The following SMCHD1 variants were observed in gnomAD, a reference collection of about 807,000 sequenced individuals.
SMCHD1 encodes structural maintenance of chromosomes flexible hinge domain containing 1.
Under a neutral mutation model 254.7 loss-of-function variants are expected in SMCHD1, and 78 were observed. That is an observed-to-expected ratio of 0.31 (90% confidence interval 0.26 to 0.37). The LOEUF is 0.37. Among genes scored for constraint, SMCHD1 ranks in the 10% least tolerant of loss-of-function variants. The probability of loss-of-function intolerance (pLI) is 1.00; values close to 1 mark genes in which losing one functional copy is unlikely to be tolerated. For synonymous variants in SMCHD1, 766 were observed against 794.9 expected (o/e 0.96, Z 0.61); for missense variants, 1,840 against 2,408.1 (o/e 0.76, Z 4.94).
At chr18:2,750,623 C>G (rs1317976658) in intron 32 of SMCHD1, 116 bp downstream of exon 32, 8 of 736,700 alleles carry the variant, frequency 1.1e-5, no homozygotes, top group Non-Finnish European at 1.6e-5. Context: ...GACAGGGAAG[C>G]AAATGATTTC....
chr18:2,669,497 C>G (rs2439768), intron 3 of SMCHD1, among the ~76,000 whole-genome samples: 22,991 of 152,174 alleles, frequency 0.15, 5,081 homozygotes, highest in African/African-American at 0.48. Flanking sequence ...TTTCTTCTTA[C>G]CTCACTGCCT....
intron 45 of SMCHD1, among the ~76,000 whole-genome samples, chr18:2,793,446 G>A (rs961861676): frequency 4.6e-5 from 7 of 151,882 alleles, no homozygotes; most frequent in African/African-American, 1.2e-4. Flanking sequence ...GGTGGATCAC[G>A]AGGTCAGGAG....
At chr18:2,795,841 C>T in intron 45 of SMCHD1, 108 bp from the exon 46 acceptor site, 3 of 794,372 alleles carry the variant, frequency 3.8e-6, no homozygotes, top group Admixed American at 3.3e-5. Flanking sequence ...AAAAGTAGAT[C>T]CCCTATGTTA....
intron 34 of SMCHD1, among the ~76,000 whole-genome samples, chr18:2,758,612 T>G (rs2075725915): frequency 6.6e-6 from 1 of 152,232 alleles, no homozygotes; most frequent in Non-Finnish European, 1.5e-5. Context: ...ATGAATTATC[T>G]TATTTTTACC....
chr18:2,769,653 T>C, intron 37 of SMCHD1, 41 bp from the exon 38 acceptor site: 1 of 1,552,702 alleles, frequency 6.4e-7, no homozygotes, highest in Non-Finnish European at 8.7e-7. Flanking sequence ...AAATTTTCTT[T>C]TTAAATCTTG....
At chr18:2,671,928 C>A (rs2073619019) in intron 3 of SMCHD1, among the ~76,000 whole-genome samples, 1 of 152,056 alleles carries the variant, frequency 6.6e-6, no homozygotes, top group Non-Finnish European at 1.5e-5. Flanking sequence ...TTTCAGTAAA[C>A]TGATCCAAGC....
intron 39 of SMCHD1, among the ~76,000 whole-genome samples, 169 bp from the exon 40 acceptor site, chr18:2,771,364 C>T (rs2075981061): frequency 6.6e-6 from 1 of 152,016 alleles, no homozygotes; most frequent in African/African-American, 2.4e-5. Context: ...CAGAATTGAG[C>T]CTTAAGATGT....
chr18:2,763,804 T>A lies in SMCHD1; in HGVS notation c.4719+15T>A. On this transcript the variant is annotated intron_variant, in intron 37 of 47. Coordinates refer to ENST00000320876, the MANE Select transcript of SMCHD1 (RefSeq NM_015295.3). ...CTGAAATCATGGTAAATTTTTTATATCTTTTGGTAGATAGAATTTCTGTAT... is the reference window on the plus strand; with the variant it reads ...CTGAAATCATGGTAAATTTTTTATAACTTTTGGTAGATAGAATTTCTGTAT... 6.2e-7 allele frequency: 1 copy of A among 1,602,066 alleles called. No homozygotes were observed. The highest frequency in any genetic ancestry group is 1.1e-5 in the South Asian group (1 of 88,838).
At chr18:2,759,625 A>G (rs1456258914) in intron 34 of SMCHD1, among the ~76,000 whole-genome samples, 3 of 123,398 alleles carry the variant, frequency 2.4e-5, no homozygotes, top group Non-Finnish European at 3.2e-5. Flanking sequence ...GCTGGAGTGC[A>G]GTGGAGTGAT....
rs1237982052 is a variant in SMCHD1, at chr18:2,760,732, G to C, written c.4427G>C (p.Ser1476Thr). The change falls in exon 35 of 48, where the codon AGT becomes ACT. Residue 1476 changes from serine (S) to threonine (T), a missense_variant. Physicochemically the swap from Ser to Thr is moderately conservative, Grantham distance 58 (BLOSUM62 1). Transcript: ENST00000320876. ...FMMDKTNILNSEQVIVEVLPN... is the reference protein window; with the variant it reads ...FMMDKTNILNTEQVIVEVLPN... ...ATGGATAAAACAAATATTCTCAACA[G>C]TGAACAGGTTTGCTTACTTTTTTTA... The C allele has an allele frequency of 3.1e-6, 5 of 1,597,052 alleles. No individual in the cohort carries two copies. The highest frequency in any genetic ancestry group is 1.7e-4 in the Middle Eastern group (1 of 6,022).
intron 38 of SMCHD1, 77 bp downstream of exon 38, chr18:2,769,897 C>T (rs1172267885): frequency 6.5e-7 from 1 of 1,542,656 alleles, no homozygotes; most frequent in Non-Finnish European, 8.7e-7. Flanking sequence ...TTTCCATTAA[C>T]TTGGTGTTTA....
intron 19 of SMCHD1, among the ~76,000 whole-genome samples, chr18:2,721,530 G>T (rs928757887): frequency 5.9e-5 from 9 of 151,964 alleles, no homozygotes; most frequent in African/African-American, 2.2e-4. Context: ...CAAGTTTTTG[G>T]CTATTAGAAA....
At chr18:2,662,165 CAAA>C (rs748303423) in intron 1 of SMCHD1, among the ~76,000 whole-genome samples, 16 of 58,312 alleles carry the variant, frequency 2.7e-4, no homozygotes, top group Admixed American at 6.4e-4. Flanking sequence ...GACTCCGTCT[CAAA>C]AAAAAAAAAA....
chr18:2,682,010 A>T (rs1027297710), intron 5 of SMCHD1, among the ~76,000 whole-genome samples: 1 of 152,186 alleles, frequency 6.6e-6, no homozygotes, highest in Non-Finnish European at 1.5e-5. Context: ...TTTGTTTTCT[A>T]ATATTTGTGT....
intron 37 of SMCHD1, among the ~76,000 whole-genome samples, chr18:2,768,934 T>G (rs931016877): frequency 6.6e-6 from 1 of 152,134 alleles, no homozygotes; most frequent in Non-Finnish European, 1.5e-5. Context: ...GGAAAAAGTC[T>G]GTGAGCTGTA....
chr18:2,797,764 A>C lies in SMCHD1; in HGVS notation c.5993+1243A>C, dbSNP rs192263133. Among the ~76,000 whole-genome samples the C allele has an allele frequency of 4.3e-3, 650 of 152,252 alleles. 4 individuals carry two copies. Among genetic ancestry groups the C allele is most frequent in the African/African-American group, 0.015 (627 of 41,566 alleles). ...ACATGGCAAAACCCTGTCTCTACTA[A>C]AAATAAGCCAGTCATGGTGGCGCAC... On this transcript the variant is annotated intron_variant, in intron 47 of 47. Transcript: ENST00000320876.
rs2075549669 is a variant in SMCHD1 at position 2,750,439 on chromosome 18, A to G, written c.4097A>G (p.Glu1366Gly). The change falls in exon 32 of 48, where the codon GAA becomes GGA. Residue 1366 changes from glutamate (E) to glycine (G), a missense_variant. Around this residue, in one of 9 missense-constraint regions of SMCHD1, gnomAD observed 881 missense variants for 1,009.5 expected, o/e 0.87. Coordinates refer to ENST00000320876, the MANE Select transcript of SMCHD1 (RefSeq NM_015295.3). ...AAGTTAATGATTCTTCCAGACCCAG[A>G]AAAACCCGTTCGTCTCAATGTTAAA... ...IIKLMILPDP[E>G]KPVRLNVKYD... is the part of the protein sequence containing the mutation. 1 of 1,612,054 alleles carries G rather than the reference A, an allele frequency of 6.2e-7. No individual in the cohort carries two copies. The highest frequency in any genetic ancestry group is 1.1e-5 in the South Asian group (1 of 90,886).
chr18:2,757,865 C>T (rs2075710814), intron 34 of SMCHD1, among the ~76,000 whole-genome samples: 2 of 152,010 alleles, frequency 1.3e-5, no homozygotes, highest in Admixed American at 1.3e-4. Context: ...TTATTAGGTA[C>T]ATACAGACTT....
At chr18:2,760,375 C>T (rs770837131) in intron 34 of SMCHD1, 18 of 222,932 alleles carry the variant, frequency 8.1e-5, no homozygotes, top group South Asian at 1.4e-4. Flanking sequence ...GCATTTTTTA[C>T]GTATTTACTG....
Sources: gnomAD v4.1 joint callset for allele counts (sites outside exome capture counted in the v4.1 genomes callset) on GRCh38, gnomAD v4.1.1 for gene constraint, gnomAD v4.1.1 regional missense constraint, MANE v1.5 for transcripts, NCBI Gene and HGNC (gene_info 2026-07-23, HGNC 2026-07-21) for gene names.